Variants in NAV2 observed in about 807,000 individuals in gnomAD.
NAV2 encodes the protein neuron navigator 2.
NAV2 carries 54 observed loss-of-function variants against 223.2 expected under a neutral mutation model. The ratio of observed to expected loss-of-function variants is 0.24; its 90% CI spans 0.19 to 0.30. NAV2 has a LOEUF of 0.30. Ranked by LOEUF, NAV2 falls within the 10% of genes least tolerant of loss-of-function variation. The pLI is 1.00. For missense variants in NAV2, 2,806 were observed against 3,147.5 expected (o/e 0.89, Z 2.60); for synonymous variants, 1,279 against 1,239.3 (o/e 1.03, Z -0.67).
intron 11 of NAV2, among the ~76,000 whole-genome samples, chr11:19,999,734 T>A (rs2052355555): frequency 6.6e-6 from 1 of 152,174 alleles, no homozygotes; most frequent in South Asian, 2.1e-4. Flanking sequence ...TGCTGCTACG[T>A]AGAGGTCAGT....
intron 1 of NAV2, among the ~76,000 whole-genome samples, chr11:19,568,760 T>C (rs893646229): frequency 7.2e-5 from 11 of 152,148 alleles, no homozygotes; most frequent in African/African-American, 2.7e-4. Context: ...AACCCAAGTC[T>C]GTGCTGCTAA....
chr11:20,012,130 C>T (rs1266013081), intron 11 of NAV2, among the ~76,000 whole-genome samples: 2 of 152,174 alleles, frequency 1.3e-5, no homozygotes, highest in African/African-American at 4.8e-5. Context: ...AGAAAGTTGG[C>T]TGAAGAATGG....
intron 1 of NAV2, among the ~76,000 whole-genome samples, chr11:19,373,966 T>A (rs540474703): frequency 5.2e-4 from 79 of 152,358 alleles, no homozygotes; most frequent in African/African-American, 1.7e-3. Flanking sequence ...TTAGTCAAGA[T>A]AACCTGTATG....
intron 10 of NAV2, among the ~76,000 whole-genome samples, chr11:19,968,380 CT>C (rs1402191474): frequency 6.6e-6 from 1 of 152,120 alleles, no homozygotes; most frequent in Non-Finnish European, 1.5e-5. Context: ...CCACACTCAA[CT>C]AATTTTTTGT....
chr11:20,101,850 A>C (rs912163447), intron 32 of NAV2, among the ~76,000 whole-genome samples: 4 of 152,196 alleles, frequency 2.6e-5, no homozygotes, highest in Non-Finnish European at 5.9e-5. Context: ...AGACCTGTTC[A>C]TGCATGCATT....
intron 1 of NAV2, among the ~76,000 whole-genome samples, chr11:19,362,870 T>C (rs1448779917): frequency 2.6e-5 from 4 of 152,248 alleles, no homozygotes; most frequent in Non-Finnish European, 5.9e-5. Context: ...TATTAGTTGT[T>C]ATTTGTTTAT....
At chr11:19,369,422 T>C (rs557365183) in intron 1 of NAV2, among the ~76,000 whole-genome samples, 1 of 152,336 alleles carries the variant, frequency 6.6e-6, no homozygotes, top group Non-Finnish European at 1.5e-5. Context: ...ACTCTGTATT[T>C]GATAAACAAA....
intron 1 of NAV2, among the ~76,000 whole-genome samples, chr11:19,690,563 GTTAA>G (rs754608522): frequency 4.6e-5 from 7 of 152,286 alleles, no homozygotes; most frequent in Non-Finnish European, 7.4e-5. Flanking sequence ...GCTCAAAAAT[GTTAA>G]TTAATTAAAA....
At chr11:19,820,312 A>C (rs925772074) in intron 1 of NAV2, among the ~76,000 whole-genome samples, 4 of 152,246 alleles carry the variant, frequency 2.6e-5, no homozygotes, top group Admixed American at 1.3e-4. Context: ...ACTTGGAAGG[A>C]GAATGCATCT....
At chr11:19,801,692 CAAAG>C (rs2058271022) in intron 1 of NAV2, among the ~76,000 whole-genome samples, 3 of 152,120 alleles carry the variant, frequency 2.0e-5, no homozygotes, top group Admixed American at 1.3e-4. Context: ...GGCACAGTGA[CAAAG>C]AAGGGCAGTC....
Position 19,959,867 on chromosome 11 carries a change from TC to T in NAV2, c.2645+10795del, listed in dbSNP as rs879879209. Among the ~76,000 whole-genome samples, 658 of 152,066 alleles carry T rather than the reference TC, an allele frequency of 4.3e-3. 3 individuals carry two copies. The highest frequency in any genetic ancestry group is 0.011 in the African/African-American group (473 of 41,462). On this transcript the variant is annotated intron_variant, in intron 10 of 37. Transcript: ENST00000349880. ...TCATGCTTAGCAAGGTGCTCCTTCTTCCCCCCCCACCATCTGGACTGTCTGC... is the reference window on the plus strand; with the variant it reads ...TCATGCTTAGCAAGGTGCTCCTTCTTCCCCCCCACCATCTGGACTGTCTGC...
At chr11:19,960,589 T>TTTTTTTTATTTATTTA (rs1555170128) in intron 10 of NAV2, among the ~76,000 whole-genome samples, 5 of 141,630 alleles carry the variant, frequency 3.5e-5, no homozygotes, top group African/African-American at 1.3e-4. Context: ...TTTTTTAAAA[T>TTTTTTTTATTTATTTA]TTTATTTATT....
intron 1 of NAV2, among the ~76,000 whole-genome samples, chr11:19,685,138 G>T (rs929797020): frequency 1.3e-5 from 2 of 152,124 alleles, no homozygotes; most frequent in Non-Finnish European, 2.9e-5. Context: ...AGCCTCCAGC[G>T]AATCCCAGAC....
At chr11:19,581,294 C>A (rs1031739753) in intron 1 of NAV2, among the ~76,000 whole-genome samples, 1 of 152,254 alleles carries the variant, frequency 6.6e-6, no homozygotes, top group Non-Finnish European at 1.5e-5. Flanking sequence ...TCCTCTTTAA[C>A]GATTAGCACT....
At chr11:19,362,243 G>A (rs757562479) in intron 1 of NAV2, among the ~76,000 whole-genome samples, 77 of 152,178 alleles carry the variant, frequency 5.1e-4, no homozygotes, top group Admixed American at 1.4e-3. Flanking sequence ...ACCAGGTCTC[G>A]AAGCCAGCTC....
intron 12 of NAV2, chr11:20,043,751 C>T: frequency 2.1e-6 from 1 of 484,774 alleles, no homozygotes; most frequent in Non-Finnish European, 3.7e-6. Context: ...CATCTCGTTC[C>T]ATTCCATTCC....
chr11:19,352,624 G>A (rs550633455), intron 1 of NAV2, among the ~76,000 whole-genome samples: 2 of 152,174 alleles, frequency 1.3e-5, no homozygotes, highest in Non-Finnish European at 2.9e-5. Context: ...CCGTCATGGC[G>A]ATTATTAAAT....
At chr11:19,440,784 G>A (rs547986873) in intron 1 of NAV2, among the ~76,000 whole-genome samples, 1 of 152,192 alleles carries the variant, frequency 6.6e-6, no homozygotes, top group African/African-American at 2.4e-5. Context: ...CTCAATGAAT[G>A]AATGGAGGCT....
intron 1 of NAV2, among the ~76,000 whole-genome samples, chr11:19,698,962 C>T (rs2049428280): frequency 6.6e-6 from 1 of 152,182 alleles, no homozygotes; most frequent in Non-Finnish European, 1.5e-5. Flanking sequence ...AGCCCCCTGC[C>T]TTATGAAGAA....
Sources: allele counts gnomAD v4.1 joint callset (sites outside exome capture counted in the v4.1 genomes callset), GRCh38; gene constraint gnomAD v4.1.1; transcripts MANE v1.5; gene names NCBI Gene and HGNC (gene_info 2026-07-23, HGNC 2026-07-21).